The following CTPS2 variants were observed in gnomAD, a reference collection of about 807,000 sequenced individuals.
CTPS2 encodes CTP synthase 2.
A neutral mutation model predicts 46.8 loss-of-function variants in CTPS2; 19 were observed. The observed-to-expected ratio is 0.41, with a 90% CI of 0.28 to 0.60. CTPS2 has a LOEUF of 0.60. CTPS2 is among the 20% of genes least tolerant of loss of function. CTPS2 has a pLI of 0.35. For synonymous variants in CTPS2, 151 were observed against 165.2 expected (o/e 0.91, Z 0.66); for missense variants, 286 against 447.6 (o/e 0.64, Z 3.26).
intron 13 of CTPS2, among the ~76,000 whole-genome samples, chrX:16,652,730 G>A (rs1270412823): frequency 1.8e-5 from 2 of 110,788 alleles, no homozygotes; most frequent in Non-Finnish European, 3.8e-5. Context: ...AACGAGGTAG[G>A]AAGACTAATG....
chrX:16,678,726 G>A (rs963829480), intron 9 of CTPS2, among the ~76,000 whole-genome samples: 3 of 110,548 alleles, frequency 2.7e-5, no homozygotes, highest in South Asian at 3.9e-4. Context: ...GGTCAACCGC[G>A]TGGGGTGGCA....
At chrX:16,646,345 A>G (rs973775503) in intron 13 of CTPS2, among the ~76,000 whole-genome samples, 1 of 112,451 alleles carries the variant, frequency 8.9e-6, no homozygotes, top group Non-Finnish European at 1.9e-5. Flanking sequence ...GGGGACCAAC[A>G]GCATCCACTT....
At chrX:16,635,363 G>T (rs780550872) in intron 14 of CTPS2, among the ~76,000 whole-genome samples, 5 of 109,282 alleles carry the variant, frequency 4.6e-5, no homozygotes, top group Non-Finnish European at 9.6e-5. Flanking sequence ...TTGACTAGGA[G>T]AAAAAAAAAC....
intron 17 of CTPS2, among the ~76,000 whole-genome samples, chrX:16,606,619 C>T (rs986505980): frequency 8.9e-6 from 1 of 111,997 alleles, no homozygotes; most frequent in African/African-American, 3.2e-5. Flanking sequence ...GGAATTCCCT[C>T]AGTGTCATGG....
At chrX:16,648,985 A>G (rs1452572131) in intron 13 of CTPS2, among the ~76,000 whole-genome samples, 2 of 112,224 alleles carry the variant, frequency 1.8e-5, no homozygotes, top group Non-Finnish European at 3.8e-5. Context: ...TCAAAGCTGT[A>G]AAGTGCTCTT....
At chrX:16,684,236 C>A (rs892384306) in intron 8 of CTPS2, among the ~76,000 whole-genome samples, 5 of 110,914 alleles carry the variant, frequency 4.5e-5, no homozygotes, top group Admixed American at 9.7e-5. Flanking sequence ...TGGCCGGGCA[C>A]GGTGGCCCAC....
intron 1 of CTPS2, among the ~76,000 whole-genome samples, chrX:16,705,560 A>G (rs778739912): frequency 6.2e-5 from 7 of 112,335 alleles, no homozygotes; most frequent in Non-Finnish European, 9.4e-5. Flanking sequence ...ATGAGTCAGG[A>G]CCACCTTCAT....
intron 13 of CTPS2, among the ~76,000 whole-genome samples, chrX:16,663,615 G>A (rs1202120209): frequency 5.4e-5 from 6 of 111,166 alleles, no homozygotes; most frequent in Non-Finnish European, 1.1e-4. Flanking sequence ...CTTGAGCTCA[G>A]GAGTTCGAGG....
At chrX:16,655,874 C>G (rs957343973) in intron 13 of CTPS2, among the ~76,000 whole-genome samples, 4 of 110,469 alleles carry the variant, frequency 3.6e-5, no homozygotes, top group Middle Eastern at 9.3e-3. Context: ...TGGCTCACTG[C>G]AACCTCCGCT....
intron 14 of CTPS2, among the ~76,000 whole-genome samples, chrX:16,628,265 T>C (rs1161598275): frequency 2.7e-5 from 3 of 112,202 alleles, no homozygotes; most frequent in Non-Finnish European, 5.6e-5. Flanking sequence ...TAATCTGCTT[T>C]TATCTCAATT....
intron 4 of CTPS2, among the ~76,000 whole-genome samples, chrX:16,697,286 C>T (rs1216664802): frequency 1.8e-5 from 2 of 110,187 alleles, no homozygotes; most frequent in Non-Finnish European, 3.8e-5. Context: ...CTCTAAGAAC[C>T]AAATTGGTCA....
rs376316048 is a variant in CTPS2, at chrX:16,609,710, G to A, written c.1547-25C>T. The A allele has an allele frequency of 4.6e-5, 54 of 1,175,540 alleles. No individual in the cohort carries two copies. The Admixed American group carries it at 8.0e-4, about 17-fold the overall frequency. ...TCTGAAATGAGAACAATCACGATGC[G>A]ATTAAAGCAGACAAACAGGAGAACT... On this transcript the variant is annotated intron_variant, in intron 16 of 18. Coordinates refer to ENST00000359276, the MANE Select transcript of CTPS2 (RefSeq NM_175859.3).
chrX:16,650,258 C>T (rs1157882766), intron 13 of CTPS2: 1 of 111,518 alleles, frequency 9.0e-6, no homozygotes, highest in African/African-American at 3.3e-5. Flanking sequence ...TAATACTCTG[C>T]TTCCTTTTAG....
chrX:16,593,416 A>G (rs1478137969), intron 17 of CTPS2, among the ~76,000 whole-genome samples: 7 of 100,083 alleles, frequency 7.0e-5, no homozygotes, highest in Non-Finnish European at 1.2e-4. Flanking sequence ...GCGACAGAGC[A>G]AGACTCTGTC....
chrX:16,679,793 A>G (rs1015320157), intron 9 of CTPS2, among the ~76,000 whole-genome samples: 3 of 111,231 alleles, frequency 2.7e-5, no homozygotes, highest in Non-Finnish European at 5.7e-5. Flanking sequence ...CTCTGCACCC[A>G]AAAGAGGGCC....
Position 16,689,555 on chromosome X carries a change from A to T in CTPS2, c.767T>A (p.Leu256His). The T allele has an allele frequency of 8.3e-7, 1 of 1,209,986 alleles. No homozygotes were observed. ...TTTCACAATGCTTTGTTCCTCTAAAAGCACAGGAACTCGGTATGTGGAAGA... is the reference window on the plus strand; with the variant it reads ...TTTCACAATGCTTTGTTCCTCTAAATGCACAGGAACTCGGTATGTGGAAGA... The part of the protein sequence containing the change: ...DVSSTYRVPV[L>H]LEEQSIVKYF... Residue 256 changes from leucine (L) to histidine (H), a missense_variant, in exon 8 of 19, where the codon CTT (leucine) becomes CAT (histidine). Leu to His is a moderately conservative substitution (Grantham distance 99). Transcript: ENST00000359276.
chrX:16,599,640 C>T (rs1264267740), intron 17 of CTPS2, among the ~76,000 whole-genome samples: 2 of 109,775 alleles, frequency 1.8e-5, no homozygotes, highest in African/African-American at 6.6e-5. Context: ...CCACGTCTGG[C>T]TAATTTTGTA....
At chrX:16,656,383 C>T (rs1932818073) in intron 13 of CTPS2, among the ~76,000 whole-genome samples, 1 of 111,164 alleles carries the variant, frequency 9.0e-6, no homozygotes, top group Non-Finnish European at 1.9e-5. Flanking sequence ...TAGTTAACAT[C>T]AGAAAGATAT....
intron 13 of CTPS2, among the ~76,000 whole-genome samples, chrX:16,639,777 A>AAAAGAAAGAAAGAAAGAAAG (rs10682704): frequency 8.4e-4 from 61 of 72,668 alleles, no homozygotes; most frequent in Admixed American, 2.0e-3. Flanking sequence ...AAAGGAAAAG[A>AAAAGAAAGAAAGAAAGAAAG]AAAGAAAGAA....
Sources: gnomAD v4.1 joint callset for allele counts (sites outside exome capture counted in the v4.1 genomes callset) on GRCh38, gnomAD v4.1.1 for gene constraint, MANE v1.5 for transcripts, NCBI Gene and HGNC (gene_info 2026-07-23, HGNC 2026-07-21) for gene names.